Variants in IRGM observed in about 807,000 individuals in gnomAD.
IRGM encodes the protein immunity related GTPase M.
For synonymous variants in IRGM, 98 were observed against 80.6 expected, an observed-to-expected ratio of 1.22 and a Z score of -1.16; for missense variants, 288 against 219.9, an observed-to-expected ratio of 1.31 and a Z score of -1.96.
At chr5:150,858,735 ATTGGTGT>A (rs994534469) in intron 1 of IRGM, among the ~76,000 whole-genome samples, 7 of 152,074 alleles carry the variant, frequency 4.6e-5, no homozygotes, top group African/African-American at 1.7e-4. Flanking sequence ...TTTGTCTGTT[ATTGGTGT>A]ATAAGAATGC....
intron 3 of IRGM, among the ~76,000 whole-genome samples, chr5:150,886,867 G>T (rs1267940705): frequency 6.6e-6 from 1 of 151,586 alleles, no homozygotes; most frequent in Non-Finnish European, 1.5e-5. Flanking sequence ...TGGATTTATT[G>T]ACCTTTTGAA....
chr5:150,871,255 G>A (rs965228296), intron 1 of IRGM, among the ~76,000 whole-genome samples: 1 of 152,148 alleles, frequency 6.6e-6, no homozygotes, highest in Non-Finnish European at 1.5e-5. Flanking sequence ...GTGGCAATCT[G>A]CCCTAGCTGA....
chr5:150,885,210 AG>A (rs1285448287), intron 3 of IRGM, among the ~76,000 whole-genome samples: 1 of 152,088 alleles, frequency 6.6e-6, no homozygotes, highest in Non-Finnish European at 1.5e-5. Flanking sequence ...GCTTTGTTGA[AG>A]ATCAGATGGT....
In IRGM at chr5:150,847,197, A is replaced by G. The variant is rs1202991994; in HGVS notation, c.-439A>G. ...TTGCAGCATTTCAGTACTGCTCTGC[A>G]CGTGTGCTCCCCCGCCTGATGAGGT... On this transcript the variant is annotated 5_prime_UTR_variant, in exon 1 of 2. Coordinates refer to ENST00000522154, the MANE Select transcript of IRGM (RefSeq NM_001145805.2). 4 of 152,382 alleles carry G rather than the reference A, an allele frequency of 2.6e-5. No individual in the cohort carries two copies. Among genetic ancestry groups the G allele is most frequent in the African/African-American group, 9.7e-5 (4 of 41,432 alleles). 9.4% of individuals were successfully genotyped at this position (152,382 alleles called of 1,614,324 possible).
chr5:150,895,641 T>C (rs1754730801), intron 3 of IRGM: 3 of 1,613,154 alleles, frequency 1.9e-6, no homozygotes, highest in Non-Finnish European at 2.5e-6. Flanking sequence ...AAGGTGGGAC[T>C]TCTGAGAGAA....
chr5:150,859,093 T>TA (rs1754099173), intron 1 of IRGM, among the ~76,000 whole-genome samples: 1 of 152,250 alleles, frequency 6.6e-6, no homozygotes, highest in Non-Finnish European at 1.5e-5. Flanking sequence ...TATTTTGAGA[T>TA]ACGTCCCATC....
chr5:150,863,045 C>T (rs1754158808), intron 1 of IRGM, among the ~76,000 whole-genome samples: 1 of 152,078 alleles, frequency 6.6e-6, no homozygotes, highest in African/African-American at 2.4e-5. Flanking sequence ...AAAAACAAAA[C>T]AGTAGAGACA....
chr5:150,865,740 ATTC>A (rs1263696875), intron 1 of IRGM, among the ~76,000 whole-genome samples: 1 of 152,142 alleles, frequency 6.6e-6, no homozygotes, highest in African/African-American at 2.4e-5. Flanking sequence ...GAAGGAAAAT[ATTC>A]TTCATTATCA....
At chr5:150,850,806 A>G (rs912401477), downstream of IRGM, among the ~76,000 whole-genome samples, 4 of 152,098 alleles carry the variant, frequency 2.6e-5, no homozygotes, top group Non-Finnish European at 5.9e-5. Flanking sequence ...CTGTAGTGAG[A>G]GCGAGCCATG....
At chr5:150,885,846 C>G (rs889145856) in intron 3 of IRGM, among the ~76,000 whole-genome samples, 1 of 151,998 alleles carries the variant, frequency 6.6e-6, no homozygotes, top group Non-Finnish European at 1.5e-5. Context: ...GATATAGAAC[C>G]GTGCTATCTG....
intron 3 of IRGM, among the ~76,000 whole-genome samples, chr5:150,881,719 C>G (rs1487346898): frequency 6.6e-6 from 1 of 151,964 alleles, no homozygotes; most frequent in Non-Finnish European, 1.5e-5. Flanking sequence ...ATGTAAACAG[C>G]AATATCAACA....
chr5:150,863,777 C>T (rs1307869373), intron 1 of IRGM, among the ~76,000 whole-genome samples: 2 of 152,150 alleles, frequency 1.3e-5, no homozygotes, highest in African/African-American at 2.4e-5. Context: ...ATTTCATTCC[C>T]AAGTATAGTG....
chr5:150,851,564 A>G (rs191380924), downstream of IRGM, among the ~76,000 whole-genome samples: 81 of 152,326 alleles, frequency 5.3e-4, no homozygotes, highest in Admixed American at 2.0e-3. Context: ...TGAGAAGATG[A>G]TATATAAAAC....
At chr5:150,857,037 C>T (rs1057479783) in intron 1 of IRGM, among the ~76,000 whole-genome samples, 9 of 151,572 alleles carry the variant, frequency 5.9e-5, no homozygotes, top group Non-Finnish European at 7.4e-5. Context: ...CCCATTAACT[C>T]GTCATTTAGC....
intron 1 of IRGM, among the ~76,000 whole-genome samples, chr5:150,856,842 TTATTTTA>T (rs1267811229): frequency 6.7e-6 from 1 of 148,640 alleles, no homozygotes; most frequent in East Asian, 2.0e-4. Flanking sequence ...TTTTCTTTTT[TTATTTTA>T]TTTTATTGTT....
rs1249976416 is a variant in IRGM at position 150,848,311 on chromosome 5, C to T, written c.188C>T (p.Ser63Leu). Residue 63 changes from serine to leucine, a missense_variant, in exon 2 of 2, where the codon TCA becomes TTA. Physicochemically the swap from Ser to Leu is moderately radical, Grantham distance 145. Transcript: ENST00000522154. ...LRNTGHEGKASPPTELVKATQ... is the reference protein window; with the variant it reads ...LRNTGHEGKALPPTELVKATQ... ...AACACAGGACATGAGGGTAAGGCCT[C>T]ACCTCCTACTGAGCTGGTAAAAGCT... The T allele has an allele frequency of 6.4e-6, 10 of 1,551,734 alleles. No individual in the cohort carries two copies. The highest frequency in any genetic ancestry group is 8.7e-6 in the Non-Finnish European group (10 of 1,146,998).
intron 2 of IRGM, among the ~76,000 whole-genome samples, chr5:150,878,770 AATT>A (rs1418945510): frequency 7.0e-5 from 10 of 142,090 alleles, no homozygotes; most frequent in Non-Finnish European, 1.0e-4. Context: ...ATAAATGTAT[AATT>A]ATTGTTGTTA....
intron 1 of IRGM, among the ~76,000 whole-genome samples, chr5:150,861,892 GA>G (rs1754141741): frequency 6.6e-6 from 1 of 152,158 alleles, no homozygotes; most frequent in Non-Finnish European, 1.5e-5. Context: ...CTCAAATATG[GA>G]TTATTAACTA....
chr5:150,852,054 T>C (rs1228685261), downstream of IRGM, among the ~76,000 whole-genome samples: 1 of 152,190 alleles, frequency 6.6e-6, no homozygotes, highest in African/African-American at 2.4e-5. Flanking sequence ...ATCTGATCTT[T>C]TGGGCCTTTT....
Sources: allele counts gnomAD v4.1 joint callset (sites outside exome capture counted in the v4.1 genomes callset), GRCh38; gene constraint gnomAD v4.1.1; transcripts MANE v1.5; gene names NCBI Gene and HGNC (gene_info 2026-07-23, HGNC 2026-07-21).